CNTNAP5: variants seen among roughly 807,000 people sequenced by gnomAD.
CNTNAP5 encodes the protein contactin associated protein family member 5.
Under a neutral mutation model 150.2 loss-of-function variants are expected in CNTNAP5, and 72 were observed. The observed-to-expected ratio is 0.48, with a 90% confidence interval of 0.40 to 0.58. CNTNAP5 has a LOEUF of 0.58. Among genes scored for constraint, CNTNAP5 ranks in the 20% least tolerant of loss-of-function variants. The pLI, the probability that CNTNAP5 is intolerant of heterozygous loss-of-function variation, is 0.00. For synonymous variants in CNTNAP5, 672 were observed against 619.8 expected (o/e 1.08, Z -1.25); for missense variants, 1,636 against 1,626.2 (o/e 1.01, Z -0.10).
At chr2:124,340,875 CAT>C (rs1022603668) in intron 3 of CNTNAP5, among the ~76,000 whole-genome samples, 16 of 146,628 alleles carry the variant, frequency 1.1e-4, no homozygotes, top group Middle Eastern at 3.3e-3. Context: ...TGTATATACA[CAT>C]ATATATATAC....
intron 19 of CNTNAP5, 59 bp downstream of exon 19, chr2:124,798,379 T>C: frequency 1.6e-6 from 2 of 1,218,540 alleles, no homozygotes; most frequent in Non-Finnish European, 2.4e-6. Context: ...GGACGGTGCA[T>C]GCCCTCCAGA....
At chr2:124,684,413 T>C (rs1679147230) in intron 13 of CNTNAP5, among the ~76,000 whole-genome samples, 1 of 152,230 alleles carries the variant, frequency 6.6e-6, no homozygotes, top group African/African-American at 2.4e-5. Context: ...AAAGTTTCTA[T>C]TGAACACTAG....
At chr2:124,627,700 C>T (rs531562526) in intron 12 of CNTNAP5, among the ~76,000 whole-genome samples, 17 of 152,206 alleles carry the variant, frequency 1.1e-4, no homozygotes, top group African/African-American at 2.2e-4. Flanking sequence ...GGTCACAGAA[C>T]GGAGCTGAAG....
intron 21 of CNTNAP5, among the ~76,000 whole-genome samples, chr2:124,872,134 T>C (rs988020686): frequency 6.6e-6 from 1 of 152,150 alleles, no homozygotes; most frequent in African/African-American, 2.4e-5. Flanking sequence ...TCATTTCTTA[T>C]TGATTTCATC....
intron 1 of CNTNAP5, among the ~76,000 whole-genome samples, chr2:124,177,564 T>C (rs1685098931): frequency 2.0e-5 from 3 of 152,056 alleles, no homozygotes; most frequent in African/African-American, 7.2e-5. Flanking sequence ...ATCTAAAAAG[T>C]GGCAAAAATC....
intron 1 of CNTNAP5, among the ~76,000 whole-genome samples, chr2:124,094,860 AGGG>A (rs1682898374): frequency 1.3e-5 from 2 of 152,132 alleles, no homozygotes; most frequent in Admixed American, 1.3e-4. Context: ...CTGCTTTGCC[AGGG>A]GTCAGTGTGA....
At chr2:124,752,129 C>G (rs1481383021) in intron 14 of CNTNAP5, among the ~76,000 whole-genome samples, 1 of 152,156 alleles carries the variant, frequency 6.6e-6, no homozygotes, top group Non-Finnish European at 1.5e-5. Context: ...CAAATCACAT[C>G]ACCGCAGCAT....
intron 21 of CNTNAP5, among the ~76,000 whole-genome samples, chr2:124,901,101 A>G (rs1228796974): frequency 6.6e-6 from 1 of 151,662 alleles, no homozygotes; most frequent in Non-Finnish European, 1.5e-5. Context: ...AAGTTTTCTC[A>G]TACATCTCAG....
At chr2:124,860,516 C>CTTCCTTCCTTCCTTCCTTCCTTCCTTCT (rs1677502559) in intron 19 of CNTNAP5, among the ~76,000 whole-genome samples, 2 of 129,938 alleles carry the variant, frequency 1.5e-5, no homozygotes, top group African/African-American at 6.5e-5. Context: ...TCCTTCCTTC[C>CTTCCTTCCTTCCTTCCTTCCTTCCTTCT]TTCCTTCCTT....
intron 3 of CNTNAP5, among the ~76,000 whole-genome samples, chr2:124,390,388 C>G (rs901958484): frequency 2.0e-5 from 3 of 152,186 alleles, no homozygotes; most frequent in African/African-American, 7.2e-5. Flanking sequence ...TACCTTCCAG[C>G]ACAGAATTAT....
chr2:124,201,964 C>A (rs1441576038), intron 1 of CNTNAP5, among the ~76,000 whole-genome samples: 1 of 152,050 alleles, frequency 6.6e-6, no homozygotes, highest in African/African-American at 2.4e-5. Flanking sequence ...TTGTCCTCGG[C>A]CCCTAAGACA....
At chr2:124,389,806 G>A (rs1691064569) in intron 3 of CNTNAP5, among the ~76,000 whole-genome samples, 1 of 152,020 alleles carries the variant, frequency 6.6e-6, no homozygotes, top group Non-Finnish European at 1.5e-5. Flanking sequence ...CTCTACAAAA[G>A]AATATGAAAA....
intron 20 of CNTNAP5, among the ~76,000 whole-genome samples, chr2:124,869,065 C>T (rs989143413): frequency 6.6e-6 from 1 of 152,116 alleles, no homozygotes; most frequent in African/African-American, 2.4e-5. Flanking sequence ...CTACTGAAGT[C>T]CCAGTGTTGG....
chr2:124,328,923 T>C (rs968779414), intron 3 of CNTNAP5, among the ~76,000 whole-genome samples: 1 of 152,164 alleles, frequency 6.6e-6, no homozygotes, highest in Non-Finnish European at 1.5e-5. Context: ...CATCCATGCT[T>C]ATGAACCTGC....
chr2:124,553,081 T>G (rs560059153), intron 10 of CNTNAP5, among the ~76,000 whole-genome samples: 2 of 152,358 alleles, frequency 1.3e-5, no homozygotes, highest in South Asian at 2.1e-4. Flanking sequence ...AAAGCAGATA[T>G]ATAAGTTAAG....
chr2:124,094,956 C>G (rs1050060595), intron 1 of CNTNAP5, among the ~76,000 whole-genome samples: 2 of 152,188 alleles, frequency 1.3e-5, no homozygotes, highest in African/African-American at 4.8e-5. Flanking sequence ...GCCCTCAGTG[C>G]TCCTGTAGGA....
Position 124,787,401 on chromosome 2 carries a change from A to G in CNTNAP5, c.2753-2501A>G, listed in dbSNP as rs182201331. Among the ~76,000 whole-genome samples, 159 of 152,354 alleles carry G rather than the reference A, an allele frequency of 1.0e-3. 1 individual carries two copies. Among genetic ancestry groups the G allele is most frequent in the African/African-American group, 3.6e-3 (148 of 41,586 alleles). On this transcript the variant is annotated intron_variant, in intron 17 of 23. Transcript: ENST00000682447. ...TTTACTTACCAAAATTGAGACAGAC[A>G]GGAGAATGTAATTGGGGTTTGGCCT...
chr2:124,442,260 GTGA>G (rs1407775533), intron 5 of CNTNAP5, among the ~76,000 whole-genome samples: 4 of 152,198 alleles, frequency 2.6e-5, no homozygotes, highest in African/African-American at 7.2e-5. Flanking sequence ...TGAGATGGTG[GTGA>G]TGATGGTGGC....
chr2:124,660,977 A>G (rs1051870708), intron 13 of CNTNAP5, among the ~76,000 whole-genome samples: 2 of 151,414 alleles, frequency 1.3e-5, no homozygotes, highest in African/African-American at 2.4e-5. Flanking sequence ...AAGAAAAAAA[A>G]ATTTACGCTG....
Sources: allele counts gnomAD v4.1 joint callset (sites outside exome capture counted in the v4.1 genomes callset), GRCh38; gene constraint gnomAD v4.1.1; transcripts MANE v1.5; gene names NCBI Gene and HGNC (gene_info 2026-07-23, HGNC 2026-07-21).